EPHX4: variants seen among roughly 807,000 people sequenced by gnomAD.
The protein encoded by EPHX4 is epoxide hydrolase 4, also known as abhydrolase domain containing 7.
Under a neutral mutation model 44.9 loss-of-function variants are expected in EPHX4, and 31 were observed. The ratio of observed to expected loss-of-function variants is 0.69; its 90% CI spans 0.52 to 0.93. EPHX4 has a LOEUF of 0.93. Among genes scored for constraint, EPHX4 ranks in the 40% least tolerant of loss-of-function variants. The pLI, the probability that EPHX4 is intolerant of heterozygous loss-of-function variation, is 0.00. For missense variants in EPHX4, 373 were observed against 438.1 expected, an observed-to-expected ratio of 0.85 and a Z score of 1.33; for synonymous variants, 151 against 159.7, an observed-to-expected ratio of 0.95 and a Z score of 0.41.
chr1:92,045,389 C>T, intron 3 of EPHX4, 143 bp from the exon 4 acceptor site: 1 of 1,010,164 alleles, frequency 9.9e-7, no homozygotes, highest in Non-Finnish European at 1.4e-6. Context: ...TTTGGAACCA[C>T]TGAATTCAAT....
intron 4 of EPHX4, among the ~76,000 whole-genome samples, chr1:92,047,377 G>A (rs1004575913): frequency 2.0e-5 from 3 of 150,840 alleles, no homozygotes; most frequent in African/African-American, 7.3e-5. Context: ...CCAGCTGAGG[G>A]TGGCAAAGTG....
intron 6 of EPHX4, among the ~76,000 whole-genome samples, chr1:92,054,398 G>A (rs989205141): frequency 8.5e-5 from 13 of 152,060 alleles, no homozygotes; most frequent in African/African-American, 3.1e-4. Flanking sequence ...AGACCAGTCT[G>A]GCCAACATGG....
chr1:92,041,541 G>A (rs1176665267), intron 2 of EPHX4, among the ~76,000 whole-genome samples: 2 of 152,084 alleles, frequency 1.3e-5, no homozygotes, highest in Non-Finnish European at 2.9e-5. Flanking sequence ...CAATACAGAA[G>A]CATTTTACTT....
At chr1:92,046,492 C>A (rs1316660921) in intron 4 of EPHX4, among the ~76,000 whole-genome samples, 1 of 152,160 alleles carries the variant, frequency 6.6e-6, no homozygotes, top group Non-Finnish European at 1.5e-5. Flanking sequence ...GAGATGGAGT[C>A]TCGCTCTGTC....
In EPHX4 at chr1:92,042,880, G is replaced by A. The variant is rs1175860589; in HGVS notation, c.375G>A (p.Leu125=). The change falls in exon 3 of 7, where the codon CTG becomes CTA. Residue 125 remains leucine (L), a synonymous_variant. Coordinates refer to ENST00000370383, the MANE Select transcript of EPHX4 (RefSeq NM_173567.5). Reference sequence around the variant, plus strand: ...AAAGTGAATATCGAGTTGTAGCACTGGATTTGAGAGGTTATGGAGAAACAG... The same window carrying A: ...AAAGTGAATATCGAGTTGTAGCACTAGATTTGAGAGGTTATGGAGAAACAG... ...EFKSEYRVVA[L]DLRGYGETDA... 2 of 1,613,594 alleles carry A rather than the reference G, an allele frequency of 1.2e-6. No individual in the cohort carries two copies. Among genetic ancestry groups the A allele is most frequent in the African/African-American group, 1.3e-5 (1 of 74,920 alleles).
intron 4 of EPHX4, 134 bp from the exon 5 acceptor site, chr1:92,050,183 T>C: frequency 3.3e-6 from 2 of 601,278 alleles, no homozygotes; most frequent in Non-Finnish European, 5.9e-6. Context: ...GCATAGAAAT[T>C]GTTCCAAAGA....
chr1:92,047,199 G>C (rs1327606287), intron 4 of EPHX4, among the ~76,000 whole-genome samples: 1 of 152,150 alleles, frequency 6.6e-6, no homozygotes, highest in Non-Finnish European at 1.5e-5. Context: ...TCTGACTGAT[G>C]ATTGGTTGTT....
At chr1:92,040,539 G>A (rs896528620) in intron 2 of EPHX4, among the ~76,000 whole-genome samples, 4 of 151,990 alleles carry the variant, frequency 2.6e-5, no homozygotes, top group African/African-American at 9.7e-5. Context: ...TGGTCAGGCT[G>A]GTCTTGAACT....
intron 3 of EPHX4, among the ~76,000 whole-genome samples, chr1:92,044,266 C>T (rs186858411): frequency 6.6e-6 from 1 of 152,170 alleles, no homozygotes; most frequent in East Asian, 1.9e-4. Flanking sequence ...AGTCTGATTA[C>T]AGTAAAAGAG....
chr1:92,038,166 A>T (rs1169382452), intron 2 of EPHX4, among the ~76,000 whole-genome samples: 1 of 152,226 alleles, frequency 6.6e-6, no homozygotes, highest in East Asian at 1.9e-4. Context: ...AATTATTTCT[A>T]ATATGACATG....
rs535075300 is a variant in EPHX4 at position 92,038,542 on chromosome 1, C to T, written c.318-4281C>T. On this transcript the variant is annotated intron_variant, in intron 2 of 6. Coordinates refer to ENST00000370383, the MANE Select transcript of EPHX4 (RefSeq NM_173567.5). Reference sequence around the variant, plus strand: ...TCATAGACGACCCAGGAAACGATCTCGTGGAAGAGCCAGGTATCAAAAGTG... The same window carrying T: ...TCATAGACGACCCAGGAAACGATCTTGTGGAAGAGCCAGGTATCAAAAGTG... Among the ~76,000 whole-genome samples the T allele has an allele frequency of 7.2e-5, 11 of 152,232 alleles. No individual in the cohort carries two copies. In the South Asian group the frequency reaches 2.3e-3, roughly 32 times the overall value.
intron 1 of EPHX4, 111 bp downstream of exon 1, chr1:92,030,421 T>G: frequency 1.1e-6 from 1 of 901,894 alleles, no homozygotes; most frequent in Non-Finnish European, 1.6e-6. Flanking sequence ...CCTAGTGTCC[T>G]GGCAGGAGGG....
At chr1:92,046,902 T>C (rs896530723) in intron 4 of EPHX4, among the ~76,000 whole-genome samples, 1 of 152,230 alleles carries the variant, frequency 6.6e-6, no homozygotes, top group African/African-American at 2.4e-5. Flanking sequence ...CATCATGCAT[T>C]GTAAGATGTT....
chr1:92,052,741 C>A, intron 6 of EPHX4, 83 bp downstream of exon 6: 1 of 1,222,630 alleles, frequency 8.2e-7, no homozygotes, highest in South Asian at 1.8e-5. Context: ...AGGTTAAGTT[C>A]ACCACTTATC....
At chr1:92,062,813 CT>C (rs938242172) in intron 6 of EPHX4, among the ~76,000 whole-genome samples, 2 of 151,746 alleles carry the variant, frequency 1.3e-5, no homozygotes, top group Admixed American at 6.6e-5. Flanking sequence ...CCTTTTTAGA[CT>C]TTTTTTTCCC....
In EPHX4 at chr1:92,042,867, G is replaced by A. The variant is rs1002336446; in HGVS notation, c.362G>A (p.Arg121Gln). 8.1e-6 allele frequency: 13 copies of A among 1,612,066 alleles called. No homozygotes were observed. The highest frequency in any genetic ancestry group is 2.2e-5 in the East Asian group (1 of 44,854). Residue 121 changes from arginine to glutamine, a missense_variant, in exon 3 of 7, where the codon CGA becomes CAA. Transcript: ENST00000370383. ...CTGAGAGAATTTAAAAGTGAATATC[G>A]AGTTGTAGCACTGGATTTGAGAGGT... The part of the protein sequence containing the change: ...YQLREFKSEY[R>Q]VVALDLRGYG...
intron 6 of EPHX4, among the ~76,000 whole-genome samples, chr1:92,053,512 A>G (rs1364033254): frequency 6.6e-6 from 1 of 152,180 alleles, no homozygotes; most frequent in Non-Finnish European, 1.5e-5. Context: ...GTCATAGTGC[A>G]GAGAATGTAT....
chr1:92,032,619 A>G (rs1180881046), intron 2 of EPHX4, 29 bp downstream of exon 2: 12 of 1,574,352 alleles, frequency 7.6e-6, no homozygotes, highest in African/African-American at 1.3e-5. Context: ...ATTTATTGTT[A>G]CATTAAAACT....
chr1:92,043,900 A>G (rs1438077533), intron 3 of EPHX4: 1 of 152,216 alleles, frequency 6.6e-6, no homozygotes, highest in Admixed American at 6.5e-5. Context: ...GCAGCCCATT[A>G]GTCAAAGCAA....
Sources: gnomAD v4.1 joint callset for allele counts (sites outside exome capture counted in the v4.1 genomes callset) on GRCh38, gnomAD v4.1.1 for gene constraint, MANE v1.5 for transcripts, NCBI Gene and HGNC (gene_info 2026-07-23, HGNC 2026-07-21) for gene names.